ELP4: variants seen among roughly 807,000 people sequenced by gnomAD.
The protein encoded by ELP4 is elongator complex protein 4.
In ELP4, 51 loss-of-function variants were observed where a neutral mutation model predicts 48.9. That is an observed-to-expected ratio of 1.04 (90% confidence interval 0.83 to 1.32). The LOEUF (loss-of-function observed/expected upper bound fraction) is 1.32. ELP4 is among the 40% of genes most tolerant of loss of function. The pLI is 0.00. For missense variants in ELP4, 519 were observed against 514.6 expected (o/e 1.01, Z -0.08); for synonymous variants, 210 against 189.2 (o/e 1.11, Z -0.90).
intron 1 of ELP4, among the ~76,000 whole-genome samples, chr11:31,519,270 AAG>A (rs1422164282): frequency 6.6e-6 from 1 of 152,062 alleles, no homozygotes; most frequent in African/African-American, 2.4e-5. Flanking sequence ...CATAATAAAA[AAG>A]AATTAACTTT....
chr11:31,683,999 G>A (rs1370684578), intron 9 of ELP4, among the ~76,000 whole-genome samples: 3 of 152,088 alleles, frequency 2.0e-5, no homozygotes, highest in Admixed American at 1.3e-4. Context: ...CATGAGGCTA[G>A]GGTATTCTGG....
At chr11:31,708,645 T>G (rs1027592196) in intron 9 of ELP4, among the ~76,000 whole-genome samples, 2 of 152,134 alleles carry the variant, frequency 1.3e-5, no homozygotes, top group Non-Finnish European at 2.9e-5. Flanking sequence ...AGTATCTCAG[T>G]ATGAATGTCT....
intron 9 of ELP4, among the ~76,000 whole-genome samples, chr11:31,670,003 C>T (rs1012485306): frequency 2.6e-5 from 4 of 152,140 alleles, no homozygotes; most frequent in African/African-American, 7.2e-5. Flanking sequence ...TTGCTAGCTC[C>T]TTCTTCACAC....
intron 9 of ELP4, among the ~76,000 whole-genome samples, chr11:31,745,912 A>G (rs373910224): frequency 4.6e-5 from 7 of 152,142 alleles, no homozygotes; most frequent in South Asian, 2.1e-4. Flanking sequence ...AAACTAAAGA[A>G]CTTCTGCACA....
intron 3 of ELP4, among the ~76,000 whole-genome samples, chr11:31,568,340 A>G (rs1957145401): frequency 1.3e-5 from 2 of 152,236 alleles, no homozygotes; most frequent in Admixed American, 1.3e-4. Context: ...AAGAATCAAT[A>G]TCATTAAAAT....
intron 3 of ELP4, among the ~76,000 whole-genome samples, chr11:31,593,568 A>G (rs1442184902): frequency 6.6e-6 from 1 of 152,058 alleles, no homozygotes; most frequent in Non-Finnish European, 1.5e-5. Context: ...TATTACCTCC[A>G]TTTTTTAGAT....
At chr11:31,652,948 C>T (rs1431770085) in intron 9 of ELP4, 2 of 151,600 alleles carry the variant, frequency 1.3e-5, no homozygotes, top group South Asian at 2.1e-4. Context: ...AGTCATTGCC[C>T]TTTATGTGTA....
intron 1 of ELP4, chr11:31,511,035 C>T (rs1404055934): frequency 6.6e-6 from 1 of 152,166 alleles, no homozygotes; most frequent in Non-Finnish European, 1.5e-5. Flanking sequence ...TCAAAGTAGG[C>T]TTTTCATAGG....
intron 9 of ELP4, among the ~76,000 whole-genome samples, chr11:31,678,384 G>T (rs534772945): frequency 6.6e-6 from 1 of 152,252 alleles, no homozygotes; most frequent in South Asian, 2.1e-4. Context: ...AAAAGGTCAA[G>T]GTTGCAGAGA....
intron 6 of ELP4, among the ~76,000 whole-genome samples, chr11:31,629,475 C>A (rs1196153470): frequency 2.0e-5 from 3 of 151,802 alleles, no homozygotes; most frequent in Non-Finnish European, 4.4e-5. Flanking sequence ...GCTGGGTACC[C>A]ACCTCACTTA....
intron 5 of ELP4, among the ~76,000 whole-genome samples, chr11:31,606,406 A>G (rs1045589150): frequency 2.0e-5 from 3 of 152,126 alleles, no homozygotes; most frequent in Non-Finnish European, 2.9e-5. Context: ...GCTGTGTCCT[A>G]CTATCATATG....
chr11:31,752,613 T>C (rs1430233050), intron 9 of ELP4, among the ~76,000 whole-genome samples: 1 of 151,924 alleles, frequency 6.6e-6, no homozygotes, highest in Non-Finnish European at 1.5e-5. Context: ...GGCGGACGGA[T>C]CACGAGGTCA....
At position 31,637,555 on chromosome 11, in the gene ELP4, C is replaced by G. The variant is rs544281875; in HGVS notation, c.927+5150C>G. 2.6e-5 allele frequency among the ~76,000 whole-genome samples: 4 copies of G among 151,956 alleles called. No individual in the cohort carries two copies. In the South Asian group the frequency reaches 6.2e-4, roughly 24 times the overall value. On this transcript the variant is annotated intron_variant, in intron 7 of 9. Coordinates refer to ENST00000640961, the MANE Select transcript of ELP4 (RefSeq NM_019040.5). ...ACACTCAGCATTGTGCTGCTTGTCC[C>G]CCTTTTACTGTTAGAAACAGAAATG...
At chr11:31,531,815 A>G (rs1956400652) in intron 2 of ELP4, among the ~76,000 whole-genome samples, 1 of 152,194 alleles carries the variant, frequency 6.6e-6, no homozygotes, top group Non-Finnish European at 1.5e-5. Context: ...AATGTGGAGA[A>G]TAGATTGGAG....
intron 4 of ELP4, among the ~76,000 whole-genome samples, chr11:31,598,244 G>A (rs573907037): frequency 3.7e-4 from 57 of 152,072 alleles, no homozygotes; most frequent in Non-Finnish European, 6.9e-4. Context: ...GTGAGCCACC[G>A]CACCTGGCCA....
intron 9 of ELP4, among the ~76,000 whole-genome samples, chr11:31,771,401 C>T (rs1948139477): frequency 6.6e-6 from 1 of 152,022 alleles, no homozygotes; most frequent in Non-Finnish European, 1.5e-5. Context: ...GTAAGATGGC[C>T]CTGGTATTCA....
In ELP4 at chr11:31,783,835, A is replaced by G. The variant is rs1189302333; in HGVS notation, c.*311A>G. ...TACTAAGGCATTTAGTGTCATGGTA[A>G]AGTGCATGTCACAGCAGGTAGCATA... On this transcript the variant is annotated 3_prime_UTR_variant, in exon 10 of 10. Coordinates refer to ENST00000640961, the MANE Select transcript of ELP4 (RefSeq NM_019040.5). 2 of 202,170 alleles carry G rather than the reference A, an allele frequency of 9.9e-6. No homozygotes were observed. The highest frequency in any genetic ancestry group is 2.0e-5 in the Non-Finnish European group (2 of 100,772). 12.5% of individuals were successfully genotyped at this position (202,170 alleles called of 1,614,324 possible). A position where few individuals can be genotyped will look rare whatever the true frequency, so the allele number is the denominator to read the frequency against.
intron 9 of ELP4, among the ~76,000 whole-genome samples, chr11:31,746,499 C>T (rs1021077983): frequency 2.6e-5 from 4 of 152,152 alleles, no homozygotes; most frequent in African/African-American, 9.7e-5. Flanking sequence ...AAATGTCCAA[C>T]AACAATAGAC....
At chr11:31,586,676 C>T (rs1303919896) in intron 3 of ELP4, among the ~76,000 whole-genome samples, 3 of 151,814 alleles carry the variant, frequency 2.0e-5, no homozygotes, top group African/African-American at 7.3e-5. Flanking sequence ...CTTGCTCGCT[C>T]TGTCACCCAG....
Sources: gnomAD v4.1 joint callset for allele counts (sites outside exome capture counted in the v4.1 genomes callset) on GRCh38, gnomAD v4.1.1 for gene constraint, MANE v1.5 for transcripts, NCBI Gene and HGNC (gene_info 2026-07-23, HGNC 2026-07-21) for gene names.